Variants in APOO observed in about 807,000 individuals in gnomAD.
APOO encodes MICOS complex subunit MIC26.
APOO carries 11 observed loss-of-function variants against 23.1 expected under a neutral mutation model. The ratio of observed to expected loss-of-function variants is 0.48; its 90% confidence interval spans 0.30 to 0.79. The LOEUF is 0.79. Among genes scored for constraint, APOO ranks in the 30% least tolerant of loss-of-function variants. The probability of loss-of-function intolerance (pLI) is 0.07; values close to 1 mark genes in which losing one functional copy is unlikely to be tolerated. For missense variants in APOO, 160 were observed against 142.7 expected, an observed-to-expected ratio of 1.12 and a Z score of -0.62; for synonymous variants, 59 against 54.8, an observed-to-expected ratio of 1.08 and a Z score of -0.34.
At chrX:23,837,541 A>AC (rs1923753332) in intron 8 of APOO, among the ~76,000 whole-genome samples, 2 of 109,486 alleles carry the variant, frequency 1.8e-5, no homozygotes, top group African/African-American at 3.3e-5. Flanking sequence ...CTTGTAAAAC[A>AC]ATATGTGGAA....
At chrX:23,842,422 T>TA (rs772995170) in intron 7 of APOO, among the ~76,000 whole-genome samples, 461 of 111,753 alleles carry the variant, frequency 4.1e-3, no homozygotes, top group Non-Finnish European at 7.1e-3. Context: ...GGGTAGAACT[T>TA]AGAGATCTGA....
At chrX:23,837,355 C>A (rs747472994) in intron 8 of APOO, 4 of 847,865 alleles carry the variant, frequency 4.7e-6, no homozygotes, top group Non-Finnish European at 6.8e-6. Flanking sequence ...AGCCTAATTT[C>A]TTTATGTATG....
At position 23,907,825 on chromosome X, in the gene APOO, G is replaced by C. The variant is rs1927443839; in HGVS notation, c.-123C>G. 4 of 817,332 alleles carry C rather than the reference G, an allele frequency of 4.9e-6. No homozygotes were observed. Among genetic ancestry groups the C allele is most frequent in the East Asian group, 3.9e-5 (1 of 25,811 alleles). The allele number at this position is 817,332 out of a possible 1,213,427, so 67.4% of individuals were successfully genotyped here. On this transcript the variant is annotated 5_prime_UTR_variant, in exon 1 of 9. Coordinates refer to ENST00000379226, the MANE Select transcript of APOO (RefSeq NM_024122.5). Reference sequence around the variant, plus strand: ...CAACCGCAAGCAGGCAGCGGTGCGGGTGACGGCCGTACTGCAAACTCGGTG... The same window carrying C: ...CAACCGCAAGCAGGCAGCGGTGCGGCTGACGGCCGTACTGCAAACTCGGTG...
intron 1 of APOO, among the ~76,000 whole-genome samples, chrX:23,904,891 T>A (rs1003408280): frequency 9.0e-6 from 1 of 111,386 alleles, no homozygotes; most frequent in South Asian, 3.7e-4. Context: ...ATTTAAGCAG[T>A]TGGGTTTTCC....
At chrX:23,848,688 CTTTTTTTTTT>C (rs762700350) in intron 7 of APOO, among the ~76,000 whole-genome samples, 5 of 95,270 alleles carry the variant, frequency 5.2e-5, no homozygotes, top group Non-Finnish European at 4.3e-5. Context: ...ATTTTCTTTT[CTTTTTTTTTT>C]TTTTTGAGAC....
rs1408815894 is a variant in APOO, at chrX:23,907,735, C to T, written c.-33G>A. 4 of 1,159,222 alleles carry T rather than the reference C, an allele frequency of 3.5e-6. No homozygotes were observed. Among genetic ancestry groups the T allele is most frequent in the Non-Finnish European group, 2.3e-6 (2 of 869,929 alleles). ...GCAGCGGAGGCTCCGGCAGGGTCAC[C>T]CCGGCCTCGGCCACGCCCACTATAG... On this transcript the variant is annotated 5_prime_UTR_variant, in exon 1 of 9. Transcript: ENST00000379226.
intron 7 of APOO, among the ~76,000 whole-genome samples, chrX:23,845,148 C>T (rs1280232814): frequency 8.9e-6 from 1 of 111,882 alleles, no homozygotes; most frequent in Non-Finnish European, 1.9e-5. Flanking sequence ...GAGTGCATTC[C>T]TTTCTAAAGA....
At chrX:23,893,453 A>T (rs1182305532) in intron 1 of APOO, among the ~76,000 whole-genome samples, 3 of 111,293 alleles carry the variant, frequency 2.7e-5, no homozygotes, top group East Asian at 2.8e-4. Context: ...AAATAAAAAT[A>T]AAAATCAAGA....
chrX:23,902,292 G>A (rs1927161337), intron 1 of APOO, among the ~76,000 whole-genome samples: 1 of 111,489 alleles, frequency 9.0e-6, no homozygotes, highest in Non-Finnish European at 1.9e-5. Flanking sequence ...TCACCTTGGG[G>A]GGCTTTTTCA....
chrX:23,905,667 T>C (rs1927322213), intron 1 of APOO, among the ~76,000 whole-genome samples: 1 of 111,898 alleles, frequency 8.9e-6, no homozygotes, highest in Admixed American at 9.5e-5. Flanking sequence ...CTTCTCAAAA[T>C]AATGCTTCTA....
At chrX:23,874,344 G>T in intron 4 of APOO, 59 bp downstream of exon 4, 2 of 994,894 alleles carry the variant, frequency 2.0e-6, no homozygotes, top group Non-Finnish European at 2.8e-6. Context: ...ATGGAACTCC[G>T]ATTAAAGAGT....
intron 1 of APOO, among the ~76,000 whole-genome samples, chrX:23,887,392 T>C (rs750887606): frequency 5.5e-5 from 6 of 108,455 alleles, no homozygotes; most frequent in African/African-American, 1.7e-4. Flanking sequence ...CGCCACCACA[T>C]GCGGCTAATT....
intron 3 of APOO, among the ~76,000 whole-genome samples, chrX:23,874,848 GA>G (rs1225020740): frequency 1.8e-5 from 2 of 112,265 alleles, no homozygotes; most frequent in Non-Finnish European, 3.8e-5. Flanking sequence ...CCATTAATTA[GA>G]GCCTACATCT....
At chrX:23,893,118 A>T (rs1026951677) in intron 1 of APOO, among the ~76,000 whole-genome samples, 10 of 110,285 alleles carry the variant, frequency 9.1e-5, no homozygotes, top group African/African-American at 3.0e-4. Flanking sequence ...TGTAAATTGA[A>T]TGAAAAATCA....
chrX:23,884,753 T>G (rs1302466089), intron 1 of APOO, among the ~76,000 whole-genome samples: 3 of 111,216 alleles, frequency 2.7e-5, no homozygotes, highest in Non-Finnish European at 5.6e-5. Context: ...ATGTATTGGA[T>G]TTTCGAAAAT....
intron 1 of APOO, among the ~76,000 whole-genome samples, chrX:23,889,911 T>G (rs1926572412): frequency 9.1e-6 from 1 of 110,170 alleles, no homozygotes; most frequent in African/African-American, 3.3e-5. Flanking sequence ...TCCGCCCACC[T>G]CGGCCTCCCA....
intron 8 of APOO, among the ~76,000 whole-genome samples, chrX:23,838,713 C>T (rs1397221322): frequency 9.0e-6 from 1 of 111,075 alleles, no homozygotes; most frequent in African/African-American, 3.3e-5. Context: ...CCACCACACC[C>T]GGCCAAGACA....
chrX:23,843,084 T>C (rs900012642), intron 7 of APOO, among the ~76,000 whole-genome samples: 2 of 112,072 alleles, frequency 1.8e-5, no homozygotes, highest in Non-Finnish European at 3.8e-5. Context: ...TGAATTAACA[T>C]ACTGCTTGCC....
intron 7 of APOO, among the ~76,000 whole-genome samples, chrX:23,843,500 T>C (rs1193069061): frequency 1.8e-5 from 2 of 110,567 alleles, no homozygotes; most frequent in African/African-American, 6.6e-5. Flanking sequence ...TTATCTAGAA[T>C]ATTTTGTAAC....
Sources: gnomAD v4.1 joint callset for allele counts (sites outside exome capture counted in the v4.1 genomes callset) on GRCh38, gnomAD v4.1.1 for gene constraint, MANE v1.5 for transcripts, NCBI Gene and HGNC (gene_info 2026-07-23, HGNC 2026-07-21) for gene names.